Variants in DZANK1 observed in about 807,000 individuals in gnomAD.
DZANK1 encodes the protein double zinc ribbon and ankyrin repeat domains 1.
In DZANK1, 91 loss-of-function variants were observed where a neutral mutation model predicts 94.5. The observed-to-expected ratio is 0.96, with a 90% CI of 0.81 to 1.15. The LOEUF (loss-of-function observed/expected upper bound fraction) is 1.15, where lower values mean the gene tolerates loss of function less well. Among genes scored for constraint, DZANK1 ranks in the 50% most tolerant of loss-of-function variants. DZANK1 has a pLI of 0.00. For synonymous variants in DZANK1, 312 were observed against 325.3 expected, an observed-to-expected ratio of 0.96 and a Z score of 0.44; for missense variants, 903 against 916.4, an observed-to-expected ratio of 0.99 and a Z score of 0.19.
intron 13 of DZANK1, among the ~76,000 whole-genome samples, chr20:18,399,393 C>G (rs974907427): frequency 1.3e-5 from 2 of 151,972 alleles, no homozygotes; most frequent in Non-Finnish European, 2.9e-5. Flanking sequence ...CAACGCCTGG[C>G]TAGTGTTTGT....
intron 6 of DZANK1, among the ~76,000 whole-genome samples, chr20:18,451,573 G>C (rs2059102847): frequency 6.6e-6 from 1 of 152,022 alleles, no homozygotes; most frequent in Non-Finnish European, 1.5e-5. Context: ...ATATTTCTAA[G>C]TACATATGTC....
chr20:18,404,574 TC>T (rs1004721011), intron 13 of DZANK1, among the ~76,000 whole-genome samples: 17 of 152,154 alleles, frequency 1.1e-4, no homozygotes, highest in African/African-American at 4.1e-4. Context: ...ATCTAACACA[TC>T]CAGTTTCCAA....
intron 17 of DZANK1, among the ~76,000 whole-genome samples, chr20:18,390,954 G>A (rs1482385825): frequency 1.3e-5 from 2 of 152,164 alleles, no homozygotes; most frequent in African/African-American, 4.8e-5. Context: ...CCAGCACTTT[G>A]GGAGGCCAAG....
chr20:18,461,276 A>G (rs980780044), intron 2 of DZANK1, among the ~76,000 whole-genome samples: 1 of 152,188 alleles, frequency 6.6e-6, no homozygotes, highest in Non-Finnish European at 1.5e-5. Flanking sequence ...CCTGTTCCAC[A>G]TATTTCTTTT....
chr20:18,438,707 C>T (rs6111959), intron 8 of DZANK1, among the ~76,000 whole-genome samples: 102,441 of 152,070 alleles, frequency 0.67, 35,966 homozygotes, highest in Non-Finnish European at 0.78. Context: ...AAGTGGGTGG[C>T]TTGTAAACAA....
intron 13 of DZANK1, among the ~76,000 whole-genome samples, chr20:18,407,849 T>C (rs1246621897): frequency 1.3e-5 from 2 of 152,192 alleles, no homozygotes; most frequent in African/African-American, 4.8e-5. Flanking sequence ...TAAAGTGAGC[T>C]TGAAGACAGG....
intron 8 of DZANK1, among the ~76,000 whole-genome samples, chr20:18,438,550 C>A (rs1221998368): frequency 1.3e-5 from 2 of 152,102 alleles, no homozygotes; most frequent in African/African-American, 4.8e-5. Context: ...ACATAAATAT[C>A]AGAGAATAAA....
At chr20:18,417,957 A>G (rs888338882) in intron 10 of DZANK1, among the ~76,000 whole-genome samples, 4 of 152,030 alleles carry the variant, frequency 2.6e-5, no homozygotes, top group Non-Finnish European at 5.9e-5. Context: ...GTGGTGGCAC[A>G]TGCTTGTAAT....
chr20:18,434,762 G>T (rs2058450026), intron 8 of DZANK1, among the ~76,000 whole-genome samples: 1 of 152,128 alleles, frequency 6.6e-6, no homozygotes, highest in South Asian at 2.1e-4. Flanking sequence ...CCAGGGCAGG[G>T]CAGGCTGTGA....
chr20:18,434,876 C>A (rs1306131224), intron 8 of DZANK1, among the ~76,000 whole-genome samples: 1 of 152,108 alleles, frequency 6.6e-6, no homozygotes, highest in Non-Finnish European at 1.5e-5. Flanking sequence ...CCAGTGGTCC[C>A]CTAGTCTGAG....
rs1284979506 is a variant in DZANK1, at chr20:18,441,627, T to C, written c.747+1720A>G. On this transcript the variant is annotated intron_variant, in intron 8 of 20. Coordinates refer to ENST00000262547, the Ensembl canonical transcript of DZANK1. This position sits in a 1 kb window ranked among gnomAD's most constrained non-coding sequence, Gnocchi z 4.1. The stretch of plus-strand genomic sequence containing the variant: ...CATCCAAGGCTGAAATCAGACTTCA[T>C]TGAATTGAGTGTGGTTGTCACCCAC... Among the ~76,000 whole-genome samples the C allele has an allele frequency of 6.6e-6, 1 of 152,170 alleles. No homozygotes were observed. Among genetic ancestry groups the C allele is most frequent in the East Asian group, 1.9e-4 (1 of 5,202 alleles).
chr20:18,434,541 T>C (rs1381551485), intron 8 of DZANK1, among the ~76,000 whole-genome samples: 17 of 118,038 alleles, frequency 1.4e-4, no homozygotes, highest in African/African-American at 4.9e-4. Flanking sequence ...GCGAGACTCC[T>C]GCTCAAAAAA....
chr20:18,453,941 C>A (rs770342570), intron 4 of DZANK1, 114 bp from the exon 5 acceptor site: 3 of 812,934 alleles, frequency 3.7e-6, no homozygotes, highest in Admixed American at 3.4e-5. Context: ...AGTTTATGGT[C>A]ATTTGTACAA....
intron 10 of DZANK1, among the ~76,000 whole-genome samples, chr20:18,418,899 G>A (rs577816486): frequency 2.6e-5 from 4 of 152,252 alleles, no homozygotes; most frequent in Non-Finnish European, 5.9e-5. Context: ...AGATGGTAAA[G>A]GAAAGTGTAA....
exon 21 of DZANK1, chr20:18,384,328 G>A (rs1936241240): frequency 6.8e-7 from 1 of 1,466,144 alleles, no homozygotes; most frequent in African/African-American, 1.4e-5. Context: ...CAAAGTGCTG[G>A]GATTACAGGC....
intron 9 of DZANK1, among the ~76,000 whole-genome samples, chr20:18,430,809 G>A (rs2058253481): frequency 6.6e-6 from 1 of 151,964 alleles, no homozygotes; most frequent in African/African-American, 2.4e-5. Flanking sequence ...GTGAGATCCT[G>A]TCTCAAAAAA....
In DZANK1 at chr20:18,412,579, T is replaced by C. The variant is rs191488502; in HGVS notation, c.1432+67A>G. 2.8e-6 allele frequency: 4 copies of C among 1,453,906 alleles called. No individual in the cohort carries two copies. In the African/African-American group the frequency reaches 4.2e-5, roughly 15 times the overall value. 90.1% of individuals were successfully genotyped at this position (1,453,906 alleles called of 1,614,324 possible). The stretch of plus-strand genomic sequence containing the variant: ...AAATAAATCTAAAAGGAAGAGAAAA[T>C]GAAATGTTCTTTCACAGAAAGAGTG... On this transcript the variant is annotated intron_variant, in intron 13 of 20. Transcript: ENST00000262547.
chr20:18,417,826 C>T (rs1432336726), intron 10 of DZANK1, among the ~76,000 whole-genome samples: 1 of 151,986 alleles, frequency 6.6e-6, no homozygotes, highest in African/African-American at 2.4e-5. Context: ...TGGCTCACAC[C>T]TGTAATCCCA....
intron 10 of DZANK1, among the ~76,000 whole-genome samples, chr20:18,415,851 T>C (rs1026983903): frequency 3.9e-5 from 6 of 152,230 alleles, no homozygotes; most frequent in Non-Finnish European, 8.8e-5. Flanking sequence ...TTGGTTTCCA[T>C]AGAAAAATGT....
Sources: gnomAD v4.1 joint callset for allele counts (sites outside exome capture counted in the v4.1 genomes callset) on GRCh38, gnomAD v4.1.1 for gene constraint, Gnocchi (gnomAD v3.1) non-coding constraint, MANE v1.5 for transcripts, NCBI Gene and HGNC (gene_info 2026-07-23, HGNC 2026-07-21) for gene names.